The following ADGRG6 variants were observed in gnomAD, a reference collection of about 807,000 sequenced individuals.
The protein encoded by ADGRG6 is adhesion G protein-coupled receptor G6, also known as G-protein coupled receptor 126.
In ADGRG6, 84 loss-of-function variants were observed where a neutral mutation model predicts 142.4. The observed-to-expected ratio is 0.59, with a 90% CI of 0.49 to 0.71. ADGRG6 has a LOEUF of 0.71. Among genes scored for constraint, ADGRG6 ranks in the 30% least tolerant of loss-of-function variants. The pLI is 0.00. For synonymous variants in ADGRG6, 521 were observed against 520.5 expected (o/e 1.00, Z -0.01); for missense variants, 1,367 against 1,466.6 (o/e 0.93, Z 1.11).
chr6:142,417,227 T>G (rs1476555376), intron 20 of ADGRG6, 46 bp from the exon 21 acceptor site: 2 of 973,556 alleles, frequency 2.1e-6, no homozygotes, highest in Non-Finnish European at 3.3e-6. Context: ...TATGAAGCAG[T>G]TTCAGATGCT....
At chr6:142,382,591 T>C (rs959023473) in intron 5 of ADGRG6, among the ~76,000 whole-genome samples, 1 of 152,230 alleles carries the variant, frequency 6.6e-6, no homozygotes, top group Non-Finnish European at 1.5e-5. Flanking sequence ...AATAGCTGCA[T>C]GCTAAATAAT....
chr6:142,344,323 G>A (rs557486937), intron 2 of ADGRG6, among the ~76,000 whole-genome samples: 121 of 152,032 alleles, frequency 8.0e-4, no homozygotes, highest in African/African-American at 2.7e-3. Flanking sequence ...TAATTTTGCA[G>A]TGAAAAGATT....
At chr6:142,376,865 A>G (rs921255697) in intron 4 of ADGRG6, among the ~76,000 whole-genome samples, 6 of 152,202 alleles carry the variant, frequency 3.9e-5, no homozygotes, top group African/African-American at 9.6e-5. Context: ...TGTTATTGCA[A>G]CTTATTGTGA....
intron 15 of ADGRG6, among the ~76,000 whole-genome samples, chr6:142,407,912 A>G (rs983411378): frequency 6.6e-6 from 1 of 152,146 alleles, no homozygotes; most frequent in Non-Finnish European, 1.5e-5. Context: ...TCAAGAATGT[A>G]GTTTTATGAA....
At chr6:142,410,891 A>G (rs1776047162) in intron 17 of ADGRG6, among the ~76,000 whole-genome samples, 1 of 152,170 alleles carries the variant, frequency 6.6e-6, no homozygotes, top group Non-Finnish European at 1.5e-5. Context: ...CATAAATGGC[A>G]CATTCTAAGA....
chr6:142,311,234 C>G (rs748743827), intron 2 of ADGRG6, among the ~76,000 whole-genome samples: 58 of 151,922 alleles, frequency 3.8e-4, no homozygotes, highest in Non-Finnish European at 7.1e-4. Context: ...TTAAGTTACT[C>G]TCTCACACAA....
chr6:142,404,957 A>G (rs993133626), intron 14 of ADGRG6, among the ~76,000 whole-genome samples: 11 of 152,212 alleles, frequency 7.2e-5, no homozygotes, highest in Admixed American at 6.5e-5. Flanking sequence ...GCCAGGCACT[A>G]TTAGCCACCA....
chr6:142,335,387 G>A (rs1032810872), intron 2 of ADGRG6, among the ~76,000 whole-genome samples: 5 of 152,182 alleles, frequency 3.3e-5, no homozygotes, highest in African/African-American at 7.2e-5. Flanking sequence ...TGAGAAAATC[G>A]AAGGCCAGAA....
At chr6:142,326,000 T>A (rs1778758186) in intron 2 of ADGRG6, among the ~76,000 whole-genome samples, 1 of 152,040 alleles carries the variant, frequency 6.6e-6, no homozygotes, top group African/African-American at 2.4e-5. Flanking sequence ...AATAATTTTA[T>A]GAATTATGGC....
At chr6:142,379,087 G>T (rs1315482195) in intron 4 of ADGRG6, among the ~76,000 whole-genome samples, 3 of 152,116 alleles carry the variant, frequency 2.0e-5, no homozygotes, top group Admixed American at 2.0e-4. Flanking sequence ...GCGTCTAGGT[G>T]TCACACAGGC....
At chr6:142,362,684 C>A (rs1583037376) in intron 2 of ADGRG6, among the ~76,000 whole-genome samples, 1 of 152,082 alleles carries the variant, frequency 6.6e-6, no homozygotes, top group African/African-American at 2.4e-5. Flanking sequence ...ATGAAGTCGT[C>A]CATTTCTGCA....
intron 4 of ADGRG6, among the ~76,000 whole-genome samples, chr6:142,374,748 C>T (rs1295913271): frequency 3.3e-5 from 5 of 152,092 alleles, no homozygotes; most frequent in Non-Finnish European, 7.4e-5. Flanking sequence ...GTATTTATGT[C>T]TGGGAATACT....
intron 22 of ADGRG6, among the ~76,000 whole-genome samples, chr6:142,422,176 T>TA (rs1224857470): frequency 6.6e-6 from 1 of 151,366 alleles, no homozygotes; most frequent in Non-Finnish European, 1.5e-5. Flanking sequence ...TTTTTTTTTT[T>TA]ATTATACTTT....
chr6:142,371,358 G>T (rs1344194487), intron 4 of ADGRG6, among the ~76,000 whole-genome samples: 2 of 151,662 alleles, frequency 1.3e-5, no homozygotes, highest in African/African-American at 4.8e-5. Flanking sequence ...ATAGAGATGG[G>T]GTTTCATCAT....
chr6:142,405,320 T>G (rs887586905), intron 14 of ADGRG6: 3 of 459,262 alleles, frequency 6.5e-6, no homozygotes, highest in Admixed American at 2.4e-5. Flanking sequence ...TCTTTCTCTC[T>G]CCCTTGCCCC....
chr6:142,323,266 G>A (rs1444438520), intron 2 of ADGRG6, among the ~76,000 whole-genome samples: 1 of 151,942 alleles, frequency 6.6e-6, no homozygotes, highest in Non-Finnish European at 1.5e-5. Flanking sequence ...AAGTGAGAAT[G>A]TATCCTTATT....
At chr6:142,437,394 T>C in intron 22 of ADGRG6, 40 bp from the exon 23 acceptor site, 1 of 890,624 alleles carries the variant, frequency 1.1e-6, no homozygotes. Context: ...TTTAAAGATG[T>C]GTCAGTTGGC....
At chr6:142,317,941 T>C (rs1225413626) in intron 2 of ADGRG6, among the ~76,000 whole-genome samples, 1 of 71,486 alleles carries the variant, frequency 1.4e-5, no homozygotes, top group East Asian at 4.1e-4. Context: ...TTATATATTA[T>C]ATATATTTAT....
intron 1 of ADGRG6, among the ~76,000 whole-genome samples, chr6:142,303,564 C>T (rs1473405668): frequency 2.0e-5 from 3 of 152,132 alleles, no homozygotes; most frequent in Non-Finnish European, 2.9e-5. Context: ...CCAGTGGAAT[C>T]GGCAAGGTAC....
Sources: gnomAD v4.1 joint callset for allele counts (sites outside exome capture counted in the v4.1 genomes callset) on GRCh38, gnomAD v4.1.1 for gene constraint, MANE v1.5 for transcripts, NCBI Gene and HGNC (gene_info 2026-07-23, HGNC 2026-07-21) for gene names.